The following HTRA3 variants were observed in gnomAD, a reference collection of about 807,000 sequenced individuals.
HTRA3 encodes serine protease HTRA3.
HTRA3 carries 41 observed loss-of-function variants against 43.2 expected under a neutral mutation model. That is an observed-to-expected ratio of 0.95 (90% CI 0.74 to 1.23). The LOEUF is 1.23. Among genes scored for constraint, HTRA3 ranks in the 50% most tolerant of loss-of-function variants. The pLI is 0.00. For synonymous variants in HTRA3, 295 were observed against 287.9 expected (o/e 1.02, Z -0.25); for missense variants, 628 against 647.1 (o/e 0.97, Z 0.32).
At chr4:8,301,665 A>T (rs1713661603) in intron 6 of HTRA3, among the ~76,000 whole-genome samples, 1 of 152,200 alleles carries the variant, frequency 6.6e-6, no homozygotes, top group Admixed American at 6.5e-5. Context: ...TAATATAGAC[A>T]CTTTAGTACT....
chr4:8,286,708 T>C lies in HTRA3; in HGVS notation c.633T>C (p.Asn211=). The C allele has an allele frequency of 6.2e-7, 1 of 1,614,112 alleles. No individual in the cohort carries two copies. Among genetic ancestry groups the C allele is most frequent in the Non-Finnish European group, 8.5e-7 (1 of 1,180,018 alleles). ...GRQQLKVQLQ[N]GDSYEATIKD... ...AGCAGCTCAAGGTGCAGCTACAGAA[T>C]GGGGACTCCTATGAGGCCACCATCA... Residue 211 remains asparagine (N), a synonymous_variant, in exon 3 of 9, where the codon AAT becomes AAC. Transcript: ENST00000307358. The surrounding 1 kb of genome is among the most constrained non-coding windows in gnomAD (Gnocchi z 4.9).
intron 1 of HTRA3, among the ~76,000 whole-genome samples, chr4:8,278,607 G>T (rs1355892086): frequency 1.3e-5 from 2 of 152,162 alleles, no homozygotes; most frequent in African/African-American, 4.8e-5. Context: ...TCATCTGCGT[G>T]TTGGGAGGAG....
At position 8,282,384 on chromosome 4, in the gene HTRA3, A is replaced by G. The variant is rs998149360; in HGVS notation, c.386-53A>G. ...TGCCCACTGGGCATAGGCCTCTGGG[A>G]GCTGGCAGCATCGTGATCTCACTGA... On this transcript the variant is annotated intron_variant, in intron 1 of 8. Transcript: ENST00000307358. 27 of 1,396,520 alleles carry G rather than the reference A, an allele frequency of 1.9e-5. No individual in the cohort carries two copies. In the African/African-American group the frequency reaches 2.8e-4, roughly 15 times the overall value. The allele number at this position is 1,396,520 out of a possible 1,614,324, so 86.5% of individuals were successfully genotyped here.
intron 1 of HTRA3, among the ~76,000 whole-genome samples, chr4:8,281,785 G>T (rs915257370): frequency 1.1e-4 from 16 of 152,358 alleles, no homozygotes; most frequent in African/African-American, 3.6e-4. Context: ...CCCGGGAAGG[G>T]TCCAGGGAAG....
intron 6 of HTRA3, 92 bp from the exon 7 acceptor site, chr4:8,302,371 C>T (rs1713683292): frequency 3.3e-6 from 4 of 1,198,830 alleles, no homozygotes; most frequent in Non-Finnish European, 5.0e-6. Context: ...CCTGGTCCTG[C>T]AGGGGAACTT....
At chr4:8,275,577 G>A (rs940737088) in intron 1 of HTRA3, among the ~76,000 whole-genome samples, 32 of 152,194 alleles carry the variant, frequency 2.1e-4, no homozygotes, top group African/African-American at 6.0e-4. Context: ...AGATGGGGGC[G>A]TCTAGTTGTG....
Position 8,270,312 on chromosome 4 carries a change from G to T in HTRA3, c.344G>T (p.Gly115Val). 1 of 1,465,250 alleles carries T rather than the reference G, an allele frequency of 6.8e-7. No homozygotes were observed. Among genetic ancestry groups the T allele is most frequent in the Non-Finnish European group, 9.0e-7 (1 of 1,115,444 alleles). The allele number at this position is 1,465,250 out of a possible 1,614,324, so 90.8% of individuals were successfully genotyped here. ...AASRRALQLS[G>V]TPVRQLQKGA... ...AGCCGCCGCGCGCTGCAGCTCTCCG[G>T]GACGCCCGTGCGCCAGCTGCAGAAG... is the stretch of plus-strand genomic sequence containing the variant. The change falls in exon 1 of 9, where the codon GGG (glycine) becomes GTG (valine). Residue 115 changes from glycine (G) to valine (V), a missense_variant. Transcript: ENST00000307358.
Position 8,295,489 on chromosome 4 carries a change from A to C in HTRA3, c.1051+1288A>C, listed in dbSNP as rs1352964314. Among the ~76,000 whole-genome samples, 2 of 152,118 alleles carry C rather than the reference A, an allele frequency of 1.3e-5. No homozygotes were observed. Among genetic ancestry groups the C allele is most frequent in the African/African-American group, 4.8e-5 (2 of 41,432 alleles). ...GTGAGAGCATGCCCATTGCCTCCTTAAGTGGGCAGTCGCAGCCACCTTCCA... is the reference window on the plus strand; with the variant it reads ...GTGAGAGCATGCCCATTGCCTCCTTCAGTGGGCAGTCGCAGCCACCTTCCA... On this transcript the variant is annotated intron_variant, in intron 6 of 8. Coordinates refer to ENST00000307358, the MANE Select transcript of HTRA3 (RefSeq NM_053044.5). This position sits in a 1 kb window ranked among gnomAD's most constrained non-coding sequence, Gnocchi z 6.9.
At chr4:8,272,018 T>C (rs970961816) in intron 1 of HTRA3, among the ~76,000 whole-genome samples, 5 of 152,124 alleles carry the variant, frequency 3.3e-5, no homozygotes, top group Admixed American at 6.5e-5. Context: ...CAGTGGCACA[T>C]CAGTTTGGGG....
chr4:8,296,638 T>C lies in HTRA3; in HGVS notation c.1051+2437T>C, dbSNP rs1026539086. Among the ~76,000 whole-genome samples the C allele has an allele frequency of 1.3e-5, 2 of 152,202 alleles. No homozygotes were observed. The highest frequency in any genetic ancestry group is 2.9e-5 in the Non-Finnish European group (2 of 68,032). On this transcript the variant is annotated intron_variant, in intron 6 of 8. Coordinates refer to ENST00000307358, the MANE Select transcript of HTRA3 (RefSeq NM_053044.5). The surrounding 1 kb of genome is among the most constrained non-coding windows in gnomAD (Gnocchi z 5.3). ...CATGTTGGGGGAGCCCCAGGAGGGC[T>C]TGGGGTCCAGCCAGCCTTAGGACCA... is the stretch of plus-strand genomic sequence containing the variant.
chr4:8,299,575 A>C (rs1473385252), intron 6 of HTRA3, among the ~76,000 whole-genome samples: 2 of 152,168 alleles, frequency 1.3e-5, no homozygotes, highest in Admixed American at 6.5e-5. Flanking sequence ...GAAAACATTC[A>C]GTCTTTCACC....
At chr4:8,283,652 G>A (rs577463484) in intron 2 of HTRA3, among the ~76,000 whole-genome samples, 389 of 152,324 alleles carry the variant, frequency 2.6e-3, no homozygotes, top group Non-Finnish European at 4.1e-3. Flanking sequence ...AGGAGGCCCC[G>A]GAACCAAGCC....
At chr4:8,274,901 C>A (rs148721019) in intron 1 of HTRA3, among the ~76,000 whole-genome samples, 265 of 152,322 alleles carry the variant, frequency 1.7e-3, no homozygotes, top group African/African-American at 6.1e-3. Context: ...CTGATGGCAT[C>A]TCCCGGTTGT....
rs1384077995 is a variant in HTRA3 at position 8,296,552 on chromosome 4, C to T, written c.1051+2351C>T. On this transcript the variant is annotated intron_variant, in intron 6 of 8. Transcript: ENST00000307358. The surrounding 1 kb of genome is among the most constrained non-coding windows in gnomAD (Gnocchi z 5.3). ...AGATGTTAAGTGCATTTATTATTCT[C>T]GTCTGGAGGTGGGGTGCAGAGGCCT... 8.1e-6 allele frequency: 8 copies of T among 984,308 alleles called. No individual in the cohort carries two copies. Among genetic ancestry groups the T allele is most frequent in the Middle Eastern group, 5.2e-4 (1 of 1,934 alleles). 61.0% of individuals were successfully genotyped at this position (984,308 alleles called of 1,614,324 possible).
rs1713012500 is a variant in HTRA3, at chr4:8,286,979, G to A, written c.708+196G>A. Among the ~76,000 whole-genome samples, 1 of 152,154 alleles carries A rather than the reference G, an allele frequency of 6.6e-6. No homozygotes were observed. Among genetic ancestry groups the A allele is most frequent in the Admixed American group, 6.5e-5 (1 of 15,284 alleles). On this transcript the variant is annotated intron_variant, in intron 3 of 8. Transcript: ENST00000307358. The surrounding 1 kb of genome is among the most constrained non-coding windows in gnomAD (Gnocchi z 4.9). ...TAGAACCCAGGTCTTTGGACTCCTT[G>A]TCCTGCGCTCCCTGAGCCGCTAGGT... is the stretch of plus-strand genomic sequence containing the variant.
In HTRA3 at chr4:8,306,672, G is replaced by A. The variant is rs1419107497; in HGVS notation, c.*536G>A. ...ACATCTGATCCCTTTGGGGTGCGGG[G>A]GTGGGGTCCAGCCCAGAGCAGGCAC... On this transcript the variant is annotated 3_prime_UTR_variant, in exon 9 of 9. Coordinates refer to ENST00000307358, the MANE Select transcript of HTRA3 (RefSeq NM_053044.5). The surrounding 1 kb of genome is among the most constrained non-coding windows in gnomAD (Gnocchi z 8.9). 1 of 152,534 alleles carries A rather than the reference G, an allele frequency of 6.6e-6. No individual in the cohort carries two copies. Among genetic ancestry groups the A allele is most frequent in the African/African-American group, 2.5e-5 (1 of 40,566 alleles). The allele number at this position is 152,534 out of a possible 1,614,324, so 9.4% of individuals were successfully genotyped here. A position where few individuals can be genotyped will look rare whatever the true frequency, so the allele number is the denominator to read the frequency against.
At chr4:8,271,533 G>T (rs370677222) in intron 1 of HTRA3, among the ~76,000 whole-genome samples, 1 of 152,200 alleles carries the variant, frequency 6.6e-6, no homozygotes, top group East Asian at 1.9e-4. Flanking sequence ...AGGGTTTGGC[G>T]GGGAGTCCCA....
At position 8,292,490 on chromosome 4, in the gene HTRA3, C is replaced by T. The variant is rs575767072; in HGVS notation, c.936+137C>T. 65 of 754,766 alleles carry T rather than the reference C, an allele frequency of 8.6e-5. 1 individual carries two copies. The African/African-American group carries it at 9.4e-4, about 11-fold the overall frequency. The allele number at this position is 754,766 out of a possible 1,614,324, so 46.8% of individuals were successfully genotyped here. On this transcript the variant is annotated intron_variant, in intron 5 of 8. Transcript: ENST00000307358. ...CCAACAGTCGGGAGTGCAGCTGGGC[C>T]GGAGGCCTGGAAGGAGGAAAGACCA...
chr4:8,301,489 T>G lies in HTRA3; in HGVS notation c.1052-974T>G, dbSNP rs116333021. Among the ~76,000 whole-genome samples, 731 of 152,130 alleles carry G rather than the reference T, an allele frequency of 4.8e-3. 12 individuals are homozygous for G. Among genetic ancestry groups the G allele is most frequent in the African/African-American group, 0.017 (702 of 41,426 alleles). On this transcript the variant is annotated intron_variant, in intron 6 of 8. Coordinates refer to ENST00000307358, the MANE Select transcript of HTRA3 (RefSeq NM_053044.5). ...TTATTATTGAGTCACACTCTCAGCT[T>G]TATTGATTCACACTCTCAGCTTTAT...
Sources: gnomAD v4.1 joint callset for allele counts (sites outside exome capture counted in the v4.1 genomes callset) on GRCh38, gnomAD v4.1.1 for gene constraint, Gnocchi (gnomAD v3.1) non-coding constraint, MANE v1.5 for transcripts, NCBI Gene and HGNC (gene_info 2026-07-23, HGNC 2026-07-21) for gene names.